Variants in GPC5 observed in about 807,000 individuals in gnomAD.
The protein encoded by GPC5 is glypican 5, also known as glypican-5.
In GPC5, 47 loss-of-function variants were observed where a neutral mutation model predicts 53.9. The ratio of observed to expected loss-of-function variants is 0.87; its 90% CI spans 0.69 to 1.11. The LOEUF (loss-of-function observed/expected upper bound fraction) is 1.11. GPC5 is among the 50% of genes most tolerant of loss of function. GPC5 has a pLI of 0.00. For missense variants in GPC5, 748 were observed against 713.1 expected, an observed-to-expected ratio of 1.05 and a Z score of -0.56; for synonymous variants, 286 against 263.3, an observed-to-expected ratio of 1.09 and a Z score of -0.84.
chr13:91,429,936 A>T (rs1879320183), intron 1 of GPC5, among the ~76,000 whole-genome samples: 1 of 152,222 alleles, frequency 6.6e-6, no homozygotes, highest in Non-Finnish European at 1.5e-5. Flanking sequence ...CTGGGATAGC[A>T]CAGTCATATT....
intron 7 of GPC5, among the ~76,000 whole-genome samples, chr13:92,412,166 T>G (rs1053788375): frequency 6.6e-6 from 1 of 152,206 alleles, no homozygotes; most frequent in African/African-American, 2.4e-5. Flanking sequence ...TTGAAAAAAC[T>G]CTTAAAAATG....
At chr13:92,408,663 A>G (rs1056117220) in intron 7 of GPC5, among the ~76,000 whole-genome samples, 4 of 150,372 alleles carry the variant, frequency 2.7e-5, no homozygotes, top group Non-Finnish European at 5.9e-5. Context: ...CATATAATAC[A>G]TATATGTATA....
intron 2 of GPC5, among the ~76,000 whole-genome samples, chr13:91,586,588 AGAGG>A (rs1329008815): frequency 8.3e-6 from 1 of 120,114 alleles, no homozygotes; most frequent in African/African-American, 3.2e-5. Flanking sequence ...AGAGAGAGAG[AGAGG>A]GAGAGGAAGT....
intron 2 of GPC5, among the ~76,000 whole-genome samples, chr13:91,599,027 A>G: frequency 6.6e-6 from 1 of 152,226 alleles, no homozygotes; most frequent in Non-Finnish European, 1.5e-5. Flanking sequence ...ATAATATTTT[A>G]ATCACCTATT....
chr13:92,510,271 GGCCC>G (rs1305547762), intron 7 of GPC5, among the ~76,000 whole-genome samples: 5 of 151,724 alleles, frequency 3.3e-5, no homozygotes, highest in Non-Finnish European at 7.4e-5. Context: ...GCTTCATCTT[GGCCC>G]ACTTTCAAGT....
intron 7 of GPC5, among the ~76,000 whole-genome samples, chr13:92,762,126 C>T (rs1425388484): frequency 6.6e-6 from 1 of 151,714 alleles, no homozygotes; most frequent in Non-Finnish European, 1.5e-5. Flanking sequence ...ATAGTCAAAT[C>T]CAGCATACTC....
At chr13:92,409,906 G>A (rs934908339) in intron 7 of GPC5, among the ~76,000 whole-genome samples, 5 of 152,124 alleles carry the variant, frequency 3.3e-5, no homozygotes, top group African/African-American at 1.2e-4. Context: ...CGACTTTAAG[G>A]AGAAGGAAAA....
rs78540463 is a variant in GPC5 at position 92,275,559 on chromosome 13, A to G, written c.1561+130570A>G. Among the ~76,000 whole-genome samples the G allele has an allele frequency of 4.2e-3, 646 of 152,134 alleles. 5 individuals carry two copies. Among genetic ancestry groups the G allele is most frequent in the African/African-American group, 0.015 (615 of 41,422 alleles). ...GAGTAATTCTATAATAAAATAAAAC[A>G]CAATTACATTCTGTTTTATTTGTGA... On this transcript the variant is annotated intron_variant, in intron 7 of 7. Transcript: ENST00000377067.
At chr13:92,705,699 G>GT (rs1887925627) in intron 7 of GPC5, among the ~76,000 whole-genome samples, 1 of 151,876 alleles carries the variant, frequency 6.6e-6, no homozygotes, top group Non-Finnish European at 1.5e-5. Context: ...CTCACAATAC[G>GT]TCTATGTTGG....
At chr13:91,412,505 T>A (rs1204011027) in intron 1 of GPC5, among the ~76,000 whole-genome samples, 2 of 152,208 alleles carry the variant, frequency 1.3e-5, no homozygotes, top group Non-Finnish European at 2.9e-5. Flanking sequence ...GTTAGCATCC[T>A]TAATCATAAA....
chr13:91,949,786 C>A (rs547588163), intron 6 of GPC5, among the ~76,000 whole-genome samples: 55 of 150,752 alleles, frequency 3.6e-4, no homozygotes, highest in Non-Finnish European at 7.1e-4. Context: ...AATGTACCTG[C>A]ATTGTAAGCA....
intron 7 of GPC5, among the ~76,000 whole-genome samples, chr13:92,828,858 G>A (rs1171327706): frequency 6.6e-6 from 1 of 152,164 alleles, no homozygotes; most frequent in Non-Finnish European, 1.5e-5. Context: ...TTAGAAGGGA[G>A]TTGGGGGATG....
intron 7 of GPC5, among the ~76,000 whole-genome samples, chr13:92,743,694 T>C (rs533929212): frequency 1.2e-4 from 19 of 152,210 alleles, no homozygotes; most frequent in African/African-American, 4.1e-4. Context: ...CCAGTTTTTG[T>C]CCATTCAGTA....
chr13:91,694,167 A>G (rs963759986), intron 3 of GPC5, among the ~76,000 whole-genome samples: 6 of 152,200 alleles, frequency 3.9e-5, no homozygotes, highest in African/African-American at 1.4e-4. Context: ...AAATGAAATT[A>G]GGTAAGTCCC....
rs1175343997 is a variant in GPC5, at chr13:92,663,899, T to C, written c.1562-202383T>C. Among the ~76,000 whole-genome samples, 8 of 32,286 alleles carry C rather than the reference T, an allele frequency of 2.5e-4. 1 individual carries two copies. Among genetic ancestry groups the C allele is most frequent in the African/African-American group, 5.3e-4 (7 of 13,106 alleles). The allele number at this position is 32,286 out of a possible 152,430, so 21.2% of individuals were successfully genotyped here. A position where few individuals can be genotyped will look rare whatever the true frequency, so the allele number is the denominator to read the frequency against. On this transcript the variant is annotated intron_variant, in intron 7 of 7. Coordinates refer to ENST00000377067, the MANE Select transcript of GPC5 (RefSeq NM_004466.6). Reference sequence around the variant, plus strand: ...ATATATATATATATATATATATATATATATACACACACACACACAAAAATT... The same window carrying C: ...ATATATATATATATATATATATATACATATACACACACACACACAAAAATT...
chr13:92,009,705 T>G (rs1300090102), intron 6 of GPC5, among the ~76,000 whole-genome samples: 5 of 152,202 alleles, frequency 3.3e-5, no homozygotes, highest in Non-Finnish European at 7.3e-5. Flanking sequence ...ATAATTTCCT[T>G]TGTCTCTTCA....
chr13:92,765,932 A>AT (rs1875388168), intron 7 of GPC5, among the ~76,000 whole-genome samples: 1 of 152,048 alleles, frequency 6.6e-6, no homozygotes, highest in Non-Finnish European at 1.5e-5. Flanking sequence ...TTCTGGCAAT[A>AT]TAGGTCTACT....
At chr13:91,573,565 T>C (rs751395705) in intron 2 of GPC5, among the ~76,000 whole-genome samples, 5 of 152,178 alleles carry the variant, frequency 3.3e-5, no homozygotes, top group Non-Finnish European at 4.4e-5. Context: ...GCTCAAACTA[T>C]AGCTTATATT....
At chr13:91,655,415 G>A (rs2034821763) in intron 2 of GPC5, among the ~76,000 whole-genome samples, 1 of 152,092 alleles carries the variant, frequency 6.6e-6, no homozygotes, top group Non-Finnish European at 1.5e-5. Context: ...TAAGTTGTAT[G>A]TGTAATGTTA....
Sources: gnomAD v4.1 joint callset for allele counts (sites outside exome capture counted in the v4.1 genomes callset) on GRCh38, gnomAD v4.1.1 for gene constraint, MANE v1.5 for transcripts, NCBI Gene and HGNC (gene_info 2026-07-23, HGNC 2026-07-21) for gene names.